RAB37: variants seen among roughly 807,000 people sequenced by gnomAD.
RAB37 encodes the protein RAB37, member RAS oncogene family.
RAB37 carries 29 observed loss-of-function variants against 33.1 expected under a neutral mutation model. The ratio of observed to expected loss-of-function variants is 0.88; its 90% CI spans 0.65 to 1.20. The LOEUF is 1.20. RAB37 is among the 50% of genes most tolerant of loss of function. The pLI, the probability that RAB37 is intolerant of heterozygous loss-of-function variation, is 0.00. For missense variants in RAB37, 299 were observed against 301.1 expected (o/e 0.99, Z 0.05); for synonymous variants, 128 against 119.5 (o/e 1.07, Z -0.47).
chr17:74,731,882 C>T (rs538775622), intron 2 of RAB37, among the ~76,000 whole-genome samples: 6 of 152,180 alleles, frequency 3.9e-5, no homozygotes, highest in East Asian at 3.9e-4. Flanking sequence ...TGGTGGCACA[C>T]GCCTGTAATC....
At position 74,704,763 on chromosome 17, in the gene RAB37, G is replaced by A. The variant is rs144985522; in HGVS notation, c.73-24493G>A. 49 of 1,614,100 alleles carry A rather than the reference G, an allele frequency of 3.0e-5. No homozygotes were observed. The Admixed American group carries it at 6.2e-4, about 20-fold the overall frequency. On this transcript the variant is annotated intron_variant, in intron 1 of 7. Transcript: ENST00000340415. Reference sequence around the variant, plus strand: ...ACACACTGCACGGTCAAGGAGCCCCGCTCCAAGCCATTCACTGTTGTTGGA... The same window carrying A: ...ACACACTGCACGGTCAAGGAGCCCCACTCCAAGCCATTCACTGTTGTTGGA...
rs1158729238 is a variant in RAB37, at chr17:74,745,326, G to T, written c.587G>T (p.Gly196Val). ...TCAAGGGAACTGAAATACCGGGCCGGGCATCAGGCGGATGAGCCCAGCTTC... is the reference window on the plus strand; with the variant it reads ...TCAAGGGAACTGAAATACCGGGCCGTGCATCAGGCGGATGAGCCCAGCTTC... ...AIAKELKYRA[G>V]HQADEPSFQI... Residue 196 changes from glycine (G) to valine (V), a missense_variant, in exon 9 of 9, where the codon GGG becomes GTG. Physicochemically the swap from Gly to Val is moderately radical, Grantham distance 109. Coordinates refer to ENST00000392613, the MANE Select transcript of RAB37 (RefSeq NM_001006638.3). This position sits in a 1 kb window ranked among gnomAD's most constrained non-coding sequence, Gnocchi z 4.5. The T allele has an allele frequency of 6.2e-7, 1 of 1,614,090 alleles. No individual in the cohort carries two copies. The highest frequency in any genetic ancestry group is 8.5e-7 in the Non-Finnish European group (1 of 1,180,024).
chr17:74,744,973 C>T lies in RAB37; in HGVS notation c.490-35C>T, dbSNP rs746199490. 36 of 1,613,978 alleles carry T rather than the reference C, an allele frequency of 2.2e-5. No homozygotes were observed. Among genetic ancestry groups the T allele is most frequent in the South Asian group, 9.9e-5 (9 of 91,092 alleles). On this transcript the variant is annotated intron_variant, in intron 7 of 8. Coordinates refer to ENST00000392613, the MANE Select transcript of RAB37 (RefSeq NM_001006638.3). The surrounding 1 kb of genome is among the most constrained non-coding windows in gnomAD (Gnocchi z 4.2). ...GACAGGGTGAAGGGTGGGGGCAACC[C>T]GACGCTGGCCCTGAGGACACTCTCT...
chr17:74,727,809 G>T (rs1262155773), intron 1 of RAB37, among the ~76,000 whole-genome samples: 1 of 151,998 alleles, frequency 6.6e-6, no homozygotes, highest in African/African-American at 2.4e-5. Context: ...TGTGTGTCTG[G>T]GTGTATGTGT....
In RAB37 at chr17:74,744,455, T is replaced by C. The variant is rs1425131212; in HGVS notation, c.432+82T>C. On this transcript the variant is annotated intron_variant, in intron 6 of 8. Transcript: ENST00000392613. The surrounding 1 kb of genome is among the most constrained non-coding windows in gnomAD (Gnocchi z 4.2). ...CCCCATAACCACCCAAGAACAGTTA[T>C]CTAGGCATCCTTCCTGAAAAGGACT... 2.3e-6 allele frequency: 3 copies of C among 1,326,128 alleles called. No homozygotes were observed. The highest frequency in any genetic ancestry group is 1.7e-5 in the Admixed American group (1 of 58,290). The allele number at this position is 1,326,128 out of a possible 1,614,324, so 82.1% of individuals were successfully genotyped here.
chr17:74,671,705 G>A lies in RAB37; in HGVS notation c.72+47G>A. The A allele has an allele frequency of 6.4e-7, 1 of 1,565,992 alleles. No individual in the cohort carries two copies. Among genetic ancestry groups the A allele is most frequent in the South Asian group, 1.1e-5 (1 of 90,050 alleles). On this transcript the variant is annotated intron_variant, in intron 1 of 7. Transcript: ENST00000340415. The surrounding 1 kb of genome is among the most constrained non-coding windows in gnomAD (Gnocchi z 5.0). ...CAACCTAACGTTGGAAGAGGCGCCAGCACCAGGAGTTTTCTCCACTCCCCT... is the reference window on the plus strand; with the variant it reads ...CAACCTAACGTTGGAAGAGGCGCCAACACCAGGAGTTTTCTCCACTCCCCT...
chr17:74,703,170 C>A, intron 1 of RAB37: 5 of 1,583,842 alleles, frequency 3.2e-6, no homozygotes, highest in Non-Finnish European at 4.3e-6. Context: ...GTGTATAAAC[C>A]AGATCACAGA....
chr17:74,685,396 C>A (rs1219751245), intron 1 of RAB37, among the ~76,000 whole-genome samples: 1 of 152,124 alleles, frequency 6.6e-6, no homozygotes, highest in East Asian at 1.9e-4. Context: ...CCATGTTGAC[C>A]AGGCTGGTCT....
chr17:74,690,628 G>A (rs185944333), intron 1 of RAB37, among the ~76,000 whole-genome samples: 89 of 151,994 alleles, frequency 5.9e-4, no homozygotes, highest in Middle Eastern at 3.4e-3. Context: ...CCCTCCTCTC[G>A]CCCCAGCTAC....
At chr17:74,711,878 CTTTCTTTTTT>C (rs1462357592) in intron 1 of RAB37, among the ~76,000 whole-genome samples, 1 of 149,152 alleles carries the variant, frequency 6.7e-6, no homozygotes, top group South Asian at 2.2e-4. Context: ...TTTTTGTTTT[CTTTCTTTTTT>C]TTTCTTTTTT....
intron 1 of RAB37, among the ~76,000 whole-genome samples, chr17:74,722,395 A>G (rs181083629): frequency 8.3e-4 from 126 of 152,326 alleles, no homozygotes; most frequent in Admixed American, 1.7e-3. Flanking sequence ...GTAAATTTTC[A>G]GGCGAGAGTT....
At position 74,701,722 on chromosome 17, in the gene RAB37, C is replaced by T. The variant is rs1044719255; in HGVS notation, c.73-27534C>T. ...AAAATTGGCCGGGCATGGTGGCTTA[C>T]GCCTGTAGTTGCAGCTACTCGAGAA... On this transcript the variant is annotated intron_variant, in intron 1 of 7. Coordinates refer to the RAB37 transcript ENST00000340415. Among the ~76,000 whole-genome samples, 15 of 152,048 alleles carry T rather than the reference C, an allele frequency of 9.9e-5. No homozygotes were observed. In the East Asian group the frequency reaches 1.4e-3, roughly 14 times the overall value.
At chr17:74,695,147 G>A (rs769710547) in intron 1 of RAB37, 32 of 1,614,068 alleles carry the variant, frequency 2.0e-5, no homozygotes, top group South Asian at 3.3e-5. Flanking sequence ...GGCCCCTGCC[G>A]GGGAGGTGGC....
chr17:74,734,524 C>T (rs914015800), upstream of RAB37, among the ~76,000 whole-genome samples: 2 of 152,142 alleles, frequency 1.3e-5, no homozygotes, highest in African/African-American at 4.8e-5. Flanking sequence ...CTCATTCTTC[C>T]TCCACCATTT....
upstream of RAB37, among the ~76,000 whole-genome samples, chr17:74,735,487 G>T (rs1567812729): frequency 6.6e-6 from 1 of 152,220 alleles, no homozygotes; most frequent in African/African-American, 2.4e-5. Flanking sequence ...AATGCGCCAA[G>T]ATCCCGCCAC....
At chr17:74,710,592 C>T (rs982292234) in intron 1 of RAB37, among the ~76,000 whole-genome samples, 1 of 151,920 alleles carries the variant, frequency 6.6e-6, no homozygotes, top group African/African-American at 2.4e-5. Context: ...GGCGCGGTGG[C>T]TCACGCCTGT....
intron 1 of RAB37, among the ~76,000 whole-genome samples, chr17:74,703,837 A>T (rs897152062): frequency 6.6e-6 from 1 of 152,226 alleles, no homozygotes; most frequent in African/African-American, 2.4e-5. Flanking sequence ...AAACCGAGGC[A>T]CTGGGACCCC....
At chr17:74,705,903 C>A (rs2033466923) in intron 1 of RAB37, among the ~76,000 whole-genome samples, 1 of 152,188 alleles carries the variant, frequency 6.6e-6, no homozygotes, top group South Asian at 2.1e-4. Flanking sequence ...CCTGTATTTT[C>A]TTAAAATACA....
intron 1 of RAB37, among the ~76,000 whole-genome samples, chr17:74,721,676 G>A (rs997874567): frequency 1.1e-4 from 17 of 151,966 alleles, no homozygotes; most frequent in Non-Finnish European, 2.1e-4. Flanking sequence ...CAGGTGATCC[G>A]CCTCGGCCTC....
Sources: allele counts gnomAD v4.1 joint callset (sites outside exome capture counted in the v4.1 genomes callset), GRCh38; gene constraint gnomAD v4.1.1; non-coding constraint Gnocchi (gnomAD v3.1); transcripts MANE v1.5; gene names NCBI Gene and HGNC (gene_info 2026-07-23, HGNC 2026-07-21).